Variants in TSC2 observed in about 807,000 individuals in gnomAD.
TSC2 encodes tuberin.
A neutral mutation model predicts 202.2 loss-of-function variants in TSC2; 29 were observed. The ratio of observed to expected loss-of-function variants is 0.14; its 90% confidence interval spans 0.11 to 0.20. The LOEUF is 0.20. Ranked by LOEUF, TSC2 falls within the 10% of genes least tolerant of loss-of-function variation. The probability of loss-of-function intolerance (pLI) is 1.00; values close to 1 mark genes in which losing one functional copy is unlikely to be tolerated. For missense variants in TSC2, 2,429 were observed against 2,420.0 expected (o/e 1.00, Z -0.08); for synonymous variants, 1,349 against 1,044.0 (o/e 1.29, Z -5.63).
intron 30 of TSC2, 198 bp downstream of exon 30, chr16:2,080,575 C>G: frequency 1.5e-6 from 1 of 652,074 alleles, no homozygotes; most frequent in Non-Finnish European, 2.6e-6. Context: ...GCTCCACCTC[C>G]CGGGTTCACG....
chr16:2,088,736 T>C lies in TSC2; in HGVS notation c.*126T>C, dbSNP rs1464890960. 11 of 1,335,008 alleles carry C rather than the reference T, an allele frequency of 8.2e-6. No homozygotes were observed. The highest frequency in any genetic ancestry group is 1.4e-5 in the South Asian group (1 of 73,850). The allele number at this position is 1,335,008 out of a possible 1,614,324, so 82.7% of individuals were successfully genotyped here. A position where few individuals can be genotyped will look rare whatever the true frequency, so the allele number is the denominator to read the frequency against. ...CAGTCAGACAGCTCTTTTATTGACT[T>C]TGTCTGCTTGGTGCGGGGGTTGGGG... On this transcript the variant is annotated 3_prime_UTR_variant, in exon 42 of 42. Coordinates refer to ENST00000219476, the MANE Select transcript of TSC2 (RefSeq NM_000548.5).
In TSC2 at chr16:2,074,382, C is replaced by G. The variant is rs1360361868; in HGVS notation, c.2538C>G (p.Phe846Leu). The G allele has an allele frequency of 6.2e-7, 1 of 1,610,784 alleles. No homozygotes were observed. The highest frequency in any genetic ancestry group is 2.2e-5 in the East Asian group (1 of 44,890). The change falls in exon 22 of 42, where the codon TTC (phenylalanine) becomes TTG (leucine). Residue 846 changes from phenylalanine (F) to leucine (L), a missense_variant. By Grantham distance (22) the Phe-to-Leu change is conservative. Transcript: ENST00000219476. ...GCATGGCCGTCCCACTGCTGGAGTT[C>G]CTGTCCAGTGAGTCCCCGCCCTGCC... is the stretch of plus-strand genomic sequence containing the variant. ...TASMAVPLLE[F>L]LSTLARLPHL...
Position 2,057,102 on chromosome 16 carries a change from C to T in TSC2, c.775-3C>T. ...AGCCCCTGACACGCATTGTGTCTCGCAGCTGATGCGGAACCTCCTTGGCAC... is the reference window on the plus strand; with the variant it reads ...AGCCCCTGACACGCATTGTGTCTCGTAGCTGATGCGGAACCTCCTTGGCAC... On this transcript the variant is annotated splice_polypyrimidine_tract_variant and splice_region_variant and intron_variant, in intron 8 of 41. Transcript: ENST00000219476. The T allele has an allele frequency of 2.6e-6, 4 of 1,551,316 alleles. No individual in the cohort carries two copies. Among genetic ancestry groups the T allele is most frequent in the South Asian group, 1.2e-5 (1 of 84,068 alleles).
rs779647225 is a variant in TSC2 at position 2,088,657 on chromosome 16, CAGTGAAATAAAT to C, written c.*49_*60del. 1.3e-6 allele frequency: 2 copies of C among 1,568,120 alleles called. No individual in the cohort carries two copies. The highest frequency in any genetic ancestry group is 1.1e-5 in the South Asian group (1 of 88,052). The stretch of plus-strand genomic sequence containing the variant: ...ACTGGCCTTGGACGGTATTGCCTGT[CAGTGAAATAAAT>C]AAAGTCCTGACCCCAGTGCACAGAC... On this transcript the variant is annotated 3_prime_UTR_variant, in exon 42 of 42. Coordinates refer to ENST00000219476, the MANE Select transcript of TSC2 (RefSeq NM_000548.5).
intron 14 of TSC2, 23 bp downstream of exon 14, chr16:2,063,076 C>T (rs2151174111): frequency 6.4e-7 from 1 of 1,551,228 alleles, no homozygotes. Context: ...GCGGCCGCAG[C>T]TGGGGGCTCA....
At position 2,088,747 on chromosome 16, in the gene TSC2, G is replaced by T; in HGVS notation, c.*137G>T. 2.4e-6 allele frequency: 3 copies of T among 1,262,094 alleles called. No individual in the cohort carries two copies. Among genetic ancestry groups the T allele is most frequent in the Admixed American group, 4.6e-5 (2 of 43,668 alleles). 78.2% of individuals were successfully genotyped at this position (1,262,094 alleles called of 1,614,324 possible). On this transcript the variant is annotated 3_prime_UTR_variant, in exon 42 of 42. Transcript: ENST00000219476. ...CTCTTTTATTGACTTTGTCTGCTTGGTGCGGGGGTTGGGGGGGTGTCGAGG... is the reference window on the plus strand; with the variant it reads ...CTCTTTTATTGACTTTGTCTGCTTGTTGCGGGGGTTGGGGGGGTGTCGAGG...
At position 2,084,620 on chromosome 16, in the gene TSC2, G is replaced by C; in HGVS notation, c.4398G>C (p.Ser1466=). ...CCCGAGGTTACACCATCTCCGACTC[G>C]GCCCCATCACGCAGGGGCAAGAGAG... ...LRPRGYTISD[S]APSRRGKRVE... is the part of the protein sequence containing the mutation. Residue 1466 remains serine, a synonymous_variant, in exon 34 of 42, where the codon TCG becomes TCC. Transcript: ENST00000219476. 6.2e-7 allele frequency: 1 copy of C among 1,601,506 alleles called. No homozygotes were observed. Among genetic ancestry groups the C allele is most frequent in the African/African-American group, 1.3e-5 (1 of 75,050 alleles).
At position 2,054,323 on chromosome 16, in the gene TSC2, CTCT is replaced by C. The variant is rs1342475885; in HGVS notation, c.369_371del (p.Phe124del). 1 of 1,614,074 alleles carries C rather than the reference CTCT, an allele frequency of 6.2e-7. No homozygotes were observed. Among genetic ancestry groups the C allele is most frequent in the African/African-American group, 1.3e-5 (1 of 74,912 alleles). ...CGAGCGTTTGGGGGTCCTCAGAGCCCTCTTCTTTAAGGTCATCAAGGATTACCC... is the reference window on the plus strand; with the variant it reads ...CGAGCGTTTGGGGGTCCTCAGAGCCCTCTTTAAGGTCATCAAGGATTACCC... On this transcript the variant is annotated inframe_deletion, in exon 5 of 42. Transcript: ENST00000219476.
chr16:2,083,311 C>T (rs560579651), intron 32 of TSC2: 12 of 459,412 alleles, frequency 2.6e-5, no homozygotes, highest in Admixed American at 4.8e-5. Context: ...CCCCACGTCA[C>T]GGAGTCTCCG....
intron 32 of TSC2, 117 bp downstream of exon 32, chr16:2,082,621 A>G (rs758262597): frequency 1.4e-5 from 16 of 1,181,784 alleles, no homozygotes; most frequent in African/African-American, 3.0e-5. Flanking sequence ...TGCCCTGGGG[A>G]GCAGGTCCCG....
At chr16:2,085,529 C>T (rs762711968) in intron 36 of TSC2, among the ~76,000 whole-genome samples, 4 of 152,178 alleles carry the variant, frequency 2.6e-5, no homozygotes, top group East Asian at 1.9e-4. Flanking sequence ...TGGGAGCACC[C>T]GGCACACCAA....
intron 25 of TSC2, chr16:2,076,797 C>T (rs1596370792): frequency 8.6e-6 from 5 of 584,256 alleles, no homozygotes; most frequent in South Asian, 7.8e-5. Context: ...CTGCGTGTGC[C>T]ACGGGCACCT....
rs769199118 is a variant in TSC2, at chr16:2,077,626, G to A, written c.2866G>A (p.Gly956Ser). Reference sequence around the variant, plus strand: ...GAGGATAGCCAGACCCCCCAAACAAGGCTTGAATAACTCTCCACCCGTGAA... The same window carrying A: ...GAGGATAGCCAGACCCCCCAAACAAAGCTTGAATAACTCTCCACCCGTGAA... ...SLRIARPPKQ[G>S]LNNSPPVKEF... is the part of the protein sequence containing the mutation. The change falls in exon 26 of 42, where the codon GGC becomes AGC. Residue 956 changes from glycine to serine, a missense_variant. Coordinates refer to ENST00000219476, the MANE Select transcript of TSC2 (RefSeq NM_000548.5). 6.2e-7 allele frequency: 1 copy of A among 1,613,178 alleles called. No individual in the cohort carries two copies. The highest frequency in any genetic ancestry group is 8.5e-7 in the Non-Finnish European group (1 of 1,180,022).
Position 2,089,454 on chromosome 16 carries a change from G to C in TSC2, c.*844G>C, listed in dbSNP as rs909207729. ...CCGGGCACAGCCCGCTGTACCTGAG[G>C]ACTCGGGGAAATAAATTAGCATCTC... On this transcript the variant is annotated 3_prime_UTR_variant, in exon 42 of 42. Coordinates refer to ENST00000219476, the MANE Select transcript of TSC2 (RefSeq NM_000548.5). The C allele has an allele frequency of 1.7e-5, 9 of 535,564 alleles. No homozygotes were observed. Among genetic ancestry groups the C allele is most frequent in the African/African-American group, 1.5e-4 (8 of 52,414 alleles). The allele number at this position is 535,564 out of a possible 1,614,324, so 33.2% of individuals were successfully genotyped here. A position where few individuals can be genotyped will look rare whatever the true frequency, so the allele number is the denominator to read the frequency against.
At position 2,087,931 on chromosome 16, in the gene TSC2, G is replaced by C. The variant is rs200700923; in HGVS notation, c.5058G>C (p.Gln1686His). 3 of 1,605,198 alleles carry C rather than the reference G, an allele frequency of 1.9e-6. No homozygotes were observed. Among genetic ancestry groups the C allele is most frequent in the Non-Finnish European group, 1.7e-6 (2 of 1,174,478 alleles). The change falls in exon 39 of 42, where the codon CAG becomes CAC. Residue 1686 changes from glutamine to histidine, a missense_variant. Transcript: ENST00000219476. ...LDYECNLVSL[Q>H]CRKDMEGLVD... ...ACGAGTGCAACCTGGTGTCCCTGCAGTGCAGGAAAGGTAGGGCCGGGTGGG... is the reference window on the plus strand; with the variant it reads ...ACGAGTGCAACCTGGTGTCCCTGCACTGCAGGAAAGGTAGGGCCGGGTGGG...
intron 20 of TSC2, 120 bp from the exon 21 acceptor site, chr16:2,072,729 G>A: frequency 6.5e-7 from 1 of 1,539,530 alleles, no homozygotes; most frequent in Admixed American, 1.7e-5. Flanking sequence ...GAGGCAAGAA[G>A]GCTCCCCAGC....
chr16:2,077,754 G>A (rs763103095), intron 26 of TSC2, 28 bp downstream of exon 26: 86 of 1,609,766 alleles, frequency 5.3e-5, no homozygotes, highest in Middle Eastern at 1.9e-4. Flanking sequence ...TGGGGGGCAC[G>A]GACCCTGGAG....
rs530756246 is a variant in TSC2 at position 2,080,764 on chromosome 16, G to A, written c.3610+387G>A. On this transcript the variant is annotated intron_variant, in intron 30 of 41. Transcript: ENST00000219476. ...CTCCCAAAGTGCTGGGATTACAGGC[G>A]TGAGCCACCGCGCCCAGCCATTTGG... 2.0e-3 allele frequency: 508 copies of A among 249,260 alleles called. 1 individual carries two copies. The highest frequency in any genetic ancestry group is 5.0e-3 in the East Asian group (49 of 9,842). 15.4% of individuals were successfully genotyped at this position (249,260 alleles called of 1,614,324 possible). A position where few individuals can be genotyped will look rare whatever the true frequency, so the allele number is the denominator to read the frequency against.
Position 2,088,412 on chromosome 16 carries a change from C to G in TSC2, c.5260-34C>G, listed in dbSNP as rs2091176328. The G allele has an allele frequency of 2.5e-6, 4 of 1,612,648 alleles. No homozygotes were observed. In the African/African-American group the frequency reaches 4.0e-5, roughly 16 times the overall value. The stretch of plus-strand genomic sequence containing the variant: ...GTGGGCAGAGCGGTTGCCACGCCTC[C>G]CAGACTTACTGCCCAAGCCGCCTCT... On this transcript the variant is annotated intron_variant, in intron 41 of 41. Transcript: ENST00000219476.
Sources: gnomAD v4.1 joint callset for allele counts (sites outside exome capture counted in the v4.1 genomes callset) on GRCh38, gnomAD v4.1.1 for gene constraint, MANE v1.5 for transcripts, NCBI Gene and HGNC (gene_info 2026-07-23, HGNC 2026-07-21) for gene names.